The following NUP58 variants were observed in gnomAD, a reference collection of about 807,000 sequenced individuals.
NUP58 encodes nucleoporin 58.
A neutral mutation model predicts 70.1 loss-of-function variants in NUP58; 17 were observed. That is an observed-to-expected ratio of 0.24 (90% CI 0.17 to 0.36). The LOEUF is 0.36. Ranked by LOEUF, NUP58 falls within the 10% of genes least tolerant of loss-of-function variation. The probability of loss-of-function intolerance (pLI) is 1.00; values close to 1 mark genes in which losing one functional copy is unlikely to be tolerated. For synonymous variants in NUP58, 275 were observed against 257.6 expected (o/e 1.07, Z -0.65); for missense variants, 644 against 701.5 (o/e 0.92, Z 0.93).
intron 5 of NUP58, among the ~76,000 whole-genome samples, chr13:25,314,531 A>G (rs1389054509): frequency 6.6e-5 from 10 of 152,062 alleles, no homozygotes; most frequent in Admixed American, 2.0e-4. Flanking sequence ...CCGCATCTCT[A>G]CTAAAAATAC....
chr13:25,335,687 C>A, intron 13 of NUP58: 1 of 984,876 alleles, frequency 1.0e-6, no homozygotes, highest in Non-Finnish European at 1.2e-6. Flanking sequence ...CCCAGTGTAG[C>A]AAAATGTAGT....
intron 5 of NUP58, among the ~76,000 whole-genome samples, chr13:25,314,033 A>C (rs569801506): frequency 6.6e-6 from 1 of 151,942 alleles, no homozygotes; most frequent in African/African-American, 2.4e-5. Context: ...GGTTCAAGAG[A>C]GATTCTCCTG....
At chr13:25,313,122 T>C in intron 4 of NUP58, 90 bp downstream of exon 4, 2 of 1,410,900 alleles carry the variant, frequency 1.4e-6, no homozygotes, top group Non-Finnish European at 1.9e-6. Flanking sequence ...ACTACAGAAA[T>C]TATTGATTTA....
chr13:25,304,962 A>G (rs1385548578), intron 1 of NUP58, among the ~76,000 whole-genome samples: 3 of 152,146 alleles, frequency 2.0e-5, no homozygotes, highest in Non-Finnish European at 4.4e-5. Flanking sequence ...TGCCCCTTTT[A>G]TGGTTGTACT....
intron 1 of NUP58, among the ~76,000 whole-genome samples, chr13:25,304,486 ATATATATATAT>A (rs2137703221): frequency 1.8e-5 from 1 of 57,048 alleles, no homozygotes; most frequent in African/African-American, 5.8e-5. Flanking sequence ...GATTATATAT[ATATATATATAT>A]ATATATATAT....
At chr13:25,329,079 A>G (rs1218008190) in intron 12 of NUP58, among the ~76,000 whole-genome samples, 3 of 152,224 alleles carry the variant, frequency 2.0e-5, no homozygotes, top group Non-Finnish European at 4.4e-5. Flanking sequence ...GAGGAATTTT[A>G]TCAGATTTAA....
chr13:25,307,522 G>A (rs2030431494), intron 1 of NUP58, among the ~76,000 whole-genome samples: 1 of 151,732 alleles, frequency 6.6e-6, no homozygotes, highest in Admixed American at 6.6e-5. Flanking sequence ...CCTGAAATCT[G>A]GTATTGTATT....
At chr13:25,302,325 TA>T (rs1204052564) in intron 1 of NUP58, among the ~76,000 whole-genome samples, 2 of 152,246 alleles carry the variant, frequency 1.3e-5, no homozygotes, top group African/African-American at 4.8e-5. Flanking sequence ...GACGGTGTTT[TA>T]ATAACTTTGT....
intron 13 of NUP58, chr13:25,335,500 T>A: frequency 1.0e-6 from 1 of 985,182 alleles, no homozygotes; most frequent in Non-Finnish European, 1.2e-6. Flanking sequence ...TTGGTTTCTT[T>A]TTCCTATAGT....
At chr13:25,347,014 A>G (rs2032058395), downstream of NUP58, among the ~76,000 whole-genome samples, 1 of 152,198 alleles carries the variant, frequency 6.6e-6, no homozygotes, top group Admixed American at 6.5e-5. Context: ...CATATACATA[A>G]TGACATCTTG....
At chr13:25,308,566 C>T (rs1350245568) in intron 2 of NUP58, among the ~76,000 whole-genome samples, 1 of 151,812 alleles carries the variant, frequency 6.6e-6, no homozygotes, top group Non-Finnish European at 1.5e-5. Context: ...CTGCTTTGGC[C>T]TCTCAGAGTG....
At chr13:25,334,588 C>A in intron 13 of NUP58, 1 of 984,734 alleles carries the variant, frequency 1.0e-6, no homozygotes, top group Non-Finnish European at 1.2e-6. Flanking sequence ...ATTTTTCAAA[C>A]TGGGGAAAAC....
chr13:25,329,736 G>A (rs2031536256), intron 12 of NUP58, among the ~76,000 whole-genome samples: 1 of 152,154 alleles, frequency 6.6e-6, no homozygotes, highest in Admixed American at 6.6e-5. Flanking sequence ...ATCCAGCCAG[G>A]CCTCAGGAAC....
At position 25,319,618 on chromosome 13, in the gene NUP58, G is replaced by A. The variant is rs566887114; in HGVS notation, c.710+268G>A. On this transcript the variant is annotated intron_variant, in intron 7 of 15. Coordinates refer to ENST00000381736, the MANE Select transcript of NUP58 (RefSeq NM_014089.4). ...CTCTAATATAAATAAATACAAATAT[G>A]TGTGTTTATTTCTTTAGTCTGTTAA... 3.9e-5 allele frequency among the ~76,000 whole-genome samples: 6 copies of A among 152,178 alleles called. No individual in the cohort carries two copies. The South Asian group carries it at 1.2e-3, about 32-fold the overall frequency.
chr13:25,314,579 A>G (rs2030839691), intron 5 of NUP58, among the ~76,000 whole-genome samples: 1 of 152,046 alleles, frequency 6.6e-6, no homozygotes, highest in South Asian at 2.1e-4. Context: ...CCTGTAATCC[A>G]AGCTGTTTGG....
At chr13:25,337,407 C>T (rs1025329822) in intron 14 of NUP58, among the ~76,000 whole-genome samples, 4 of 152,044 alleles carry the variant, frequency 2.6e-5, no homozygotes, top group Non-Finnish European at 5.9e-5. Context: ...ATACATTCTC[C>T]TAATCAGTAT....
intron 1 of NUP58, among the ~76,000 whole-genome samples, chr13:25,304,478 T>TTATATA (rs67019897): frequency 0.014 from 1,160 of 83,238 alleles, 13 homozygotes; most frequent in East Asian, 0.023. Flanking sequence ...GTTGTCAAGA[T>TTATATA]TATATATATA....
intron 9 of NUP58, among the ~76,000 whole-genome samples, chr13:25,321,659 A>G (rs2031191581): frequency 1.3e-5 from 2 of 152,198 alleles, no homozygotes; most frequent in African/African-American, 2.4e-5. Flanking sequence ...GCCCAATCCT[A>G]TAATCCCAGC....
chr13:25,314,955 T>C (rs2030856715), intron 5 of NUP58, among the ~76,000 whole-genome samples: 1 of 152,204 alleles, frequency 6.6e-6, no homozygotes, highest in African/African-American at 2.4e-5. Context: ...TCACACTAGA[T>C]TATCTTAAAA....
Sources: allele counts gnomAD v4.1 joint callset (sites outside exome capture counted in the v4.1 genomes callset), GRCh38; gene constraint gnomAD v4.1.1; transcripts MANE v1.5; gene names NCBI Gene and HGNC (gene_info 2026-07-23, HGNC 2026-07-21).